CPA6: variants seen among roughly 807,000 people sequenced by gnomAD.
The protein encoded by CPA6 is carboxypeptidase B.
CPA6 carries 58 observed loss-of-function variants against 63.3 expected under a neutral mutation model. That is an observed-to-expected ratio of 0.92 (90% CI 0.74 to 1.14). The LOEUF is 1.14. Ranked by LOEUF, CPA6 falls within the 50% of genes most tolerant of loss-of-function variation. The probability of loss-of-function intolerance (pLI) is 0.00; values close to 1 mark genes in which losing one functional copy is unlikely to be tolerated. For missense variants in CPA6, 565 were observed against 526.6 expected, an observed-to-expected ratio of 1.07 and a Z score of -0.71; for synonymous variants, 185 against 179.0, an observed-to-expected ratio of 1.03 and a Z score of -0.27.
chr8:67,663,678 A>T (rs1203652104), intron 1 of CPA6, among the ~76,000 whole-genome samples: 1 of 152,136 alleles, frequency 6.6e-6, no homozygotes, highest in Non-Finnish European at 1.5e-5. Context: ...CAGCTCCATC[A>T]ATATTCTTGC....
chr8:67,494,102 T>C (rs1277146813), intron 6 of CPA6, among the ~76,000 whole-genome samples: 2 of 152,148 alleles, frequency 1.3e-5, no homozygotes, highest in African/African-American at 4.8e-5. Context: ...AAATAAAAAT[T>C]ACCCATGATC....
intron 1 of CPA6, among the ~76,000 whole-genome samples, chr8:67,731,848 A>G (rs898448239): frequency 2.6e-5 from 4 of 152,246 alleles, no homozygotes; most frequent in African/African-American, 7.2e-5. Flanking sequence ...TGTAAAAATT[A>G]GTCAAAAACT....
At chr8:67,555,494 T>C (rs566638591) in intron 2 of CPA6, among the ~76,000 whole-genome samples, 1 of 152,336 alleles carries the variant, frequency 6.6e-6, no homozygotes, top group African/African-American at 2.4e-5. Context: ...CCTTGCCCTA[T>C]GCATCTCTCC....
chr8:67,702,231 T>A (rs563729249), intron 1 of CPA6, among the ~76,000 whole-genome samples: 1 of 152,070 alleles, frequency 6.6e-6, no homozygotes, highest in African/African-American at 2.4e-5. Flanking sequence ...ATTTAAATAA[T>A]TTCTCAAGTA....
chr8:67,632,272 G>A (rs1321613650), intron 1 of CPA6, among the ~76,000 whole-genome samples: 2 of 151,964 alleles, frequency 1.3e-5, no homozygotes, highest in Non-Finnish European at 2.9e-5. Flanking sequence ...GTGAGCTCAA[G>A]TGATCCTCCT....
At chr8:67,579,418 C>A (rs376343901) in intron 2 of CPA6, among the ~76,000 whole-genome samples, 135 of 151,882 alleles carry the variant, frequency 8.9e-4, no homozygotes, top group African/African-American at 3.0e-3. Flanking sequence ...GTCCCCACCA[C>A]AAAAAAGAAA....
At chr8:67,501,305 T>C (rs950688443) in intron 6 of CPA6, among the ~76,000 whole-genome samples, 42 of 152,182 alleles carry the variant, frequency 2.8e-4, no homozygotes, top group African/African-American at 9.7e-4. Flanking sequence ...TAAAAGTATT[T>C]CACTTTTTTG....
At chr8:67,469,874 C>T (rs1811017190) in intron 8 of CPA6, among the ~76,000 whole-genome samples, 1 of 152,084 alleles carries the variant, frequency 6.6e-6, no homozygotes, top group Non-Finnish European at 1.5e-5. Flanking sequence ...TTTCCCCTTC[C>T]CTTCACTCAT....
At chr8:67,521,045 A>T (rs571284660) in intron 2 of CPA6, among the ~76,000 whole-genome samples, 10 of 152,250 alleles carry the variant, frequency 6.6e-5, no homozygotes, top group Non-Finnish European at 1.2e-4. Context: ...GATAATTAGT[A>T]GTTCTGAACT....
intron 2 of CPA6, among the ~76,000 whole-genome samples, chr8:67,546,889 A>G (rs972961100): frequency 5.9e-5 from 9 of 151,856 alleles, no homozygotes; most frequent in African/African-American, 2.2e-4. Flanking sequence ...GCAGTAGCAC[A>G]TTACAGCTCA....
chr8:67,535,804 G>A (rs1400839117), intron 2 of CPA6, among the ~76,000 whole-genome samples: 1 of 152,130 alleles, frequency 6.6e-6, no homozygotes, highest in African/African-American at 2.4e-5. Flanking sequence ...GAATGGTATT[G>A]CCTAGGTTTT....
chr8:67,485,877 C>T (rs1486527922), intron 6 of CPA6, among the ~76,000 whole-genome samples: 1 of 152,182 alleles, frequency 6.6e-6, no homozygotes, highest in Non-Finnish European at 1.5e-5. Context: ...TTAATGCACT[C>T]TGGTCTATAA....
intron 10 of CPA6, among the ~76,000 whole-genome samples, chr8:67,425,316 C>A (rs1809858811): frequency 6.6e-6 from 1 of 151,974 alleles, no homozygotes; most frequent in South Asian, 2.1e-4. Flanking sequence ...GTCATTTACT[C>A]AAAAAATAAC....
chr8:67,487,283 CT>C (rs1811500952), intron 6 of CPA6, among the ~76,000 whole-genome samples: 1 of 151,924 alleles, frequency 6.6e-6, no homozygotes, highest in South Asian at 2.1e-4. Flanking sequence ...CAATTCCCAC[CT>C]GAGTGAGAAC....
At chr8:67,545,624 A>G (rs973694423) in intron 2 of CPA6, among the ~76,000 whole-genome samples, 1 of 140,544 alleles carries the variant, frequency 7.1e-6, no homozygotes, top group African/African-American at 2.6e-5. Context: ...CTGGAGTACA[A>G]TGGCGTGATC....
intron 2 of CPA6, among the ~76,000 whole-genome samples, chr8:67,619,315 T>C (rs1815026632): frequency 6.6e-6 from 1 of 152,206 alleles, no homozygotes; most frequent in Non-Finnish European, 1.5e-5. Context: ...TCCTGCAGAA[T>C]AGATTACCAC....
intron 2 of CPA6, among the ~76,000 whole-genome samples, chr8:67,585,497 G>A (rs1261220313): frequency 6.6e-6 from 1 of 151,932 alleles, no homozygotes; most frequent in Non-Finnish European, 1.5e-5. Flanking sequence ...AGACATGGGG[G>A]CATGAGTTAG....
intron 1 of CPA6, among the ~76,000 whole-genome samples, chr8:67,641,329 A>G (rs1815588099): frequency 6.6e-6 from 1 of 151,648 alleles, no homozygotes. Context: ...TGGAGTATAA[A>G]TATATCATGT....
At chr8:67,520,764 C>T (rs1011409266) in intron 2 of CPA6, among the ~76,000 whole-genome samples, 6 of 152,108 alleles carry the variant, frequency 3.9e-5, no homozygotes, top group East Asian at 1.9e-4. Context: ...ACAAAATGGC[C>T]GATACAAGAC....
Sources: allele counts gnomAD v4.1 joint callset (sites outside exome capture counted in the v4.1 genomes callset), GRCh38; gene constraint gnomAD v4.1.1; transcripts MANE v1.5; gene names NCBI Gene and HGNC (gene_info 2026-07-23, HGNC 2026-07-21).